Variants in ATXN7L1 observed in about 807,000 individuals in gnomAD.
ATXN7L1 encodes the protein ataxin 7 like 1.
In ATXN7L1, 15 loss-of-function variants were observed where a neutral mutation model predicts 70.8. The observed-to-expected ratio is 0.21, with a 90% confidence interval of 0.14 to 0.33. ATXN7L1 has a LOEUF of 0.33. Among genes scored for constraint, ATXN7L1 ranks in the 10% least tolerant of loss-of-function variants. The pLI is 1.00. For synonymous variants in ATXN7L1, 440 were observed against 445.1 expected (o/e 0.99, Z 0.14); for missense variants, 975 against 1,097.1 (o/e 0.89, Z 1.57).
At chr7:105,833,710 C>T (rs565867919) in intron 2 of ATXN7L1, among the ~76,000 whole-genome samples, 1 of 152,252 alleles carries the variant, frequency 6.6e-6, no homozygotes, top group South Asian at 2.1e-4. Context: ...ATAGTTAACA[C>T]TAGTTAATGA....
At chr7:105,635,626 C>T (rs1425975143) in intron 7 of ATXN7L1, among the ~76,000 whole-genome samples, 2 of 152,230 alleles carry the variant, frequency 1.3e-5, no homozygotes, top group South Asian at 2.1e-4. Context: ...CCCATTCCAA[C>T]CCTTGTTATC....
At chr7:105,616,645 G>A (rs956349844) in intron 9 of ATXN7L1, among the ~76,000 whole-genome samples, 3 of 152,206 alleles carry the variant, frequency 2.0e-5, no homozygotes, top group African/African-American at 7.2e-5. Context: ...GGATGGGTGA[G>A]CAGGTGGATT....
chr7:105,614,555 G>T lies in ATXN7L1; in HGVS notation c.1779C>A (p.Ile593=). 6.5e-7 allele frequency: 1 copy of T among 1,546,868 alleles called. No homozygotes were observed. Among genetic ancestry groups the T allele is most frequent in the Non-Finnish European group, 8.7e-7 (1 of 1,143,618 alleles). Residue 593 remains isoleucine (I), a synonymous_variant, in exon 10 of 12, where the codon ATC becomes ATA. Transcript: ENST00000419735. The surrounding 1 kb of genome is among the most constrained non-coding windows in gnomAD (Gnocchi z 4.3). ...AFPHVAATLS[I]MDSTFKAPSA... ...ATGGGGCCTTGAAGGTTGAGTCCAT[G>T]ATGCTGAGGGTTGCGGCCACATGAG...
At chr7:105,828,536 G>A (rs1811177909) in intron 2 of ATXN7L1, among the ~76,000 whole-genome samples, 1 of 152,192 alleles carries the variant, frequency 6.6e-6, no homozygotes, top group Non-Finnish European at 1.5e-5. Flanking sequence ...GGAGACAGGT[G>A]AATATGAATG....
intron 3 of ATXN7L1, among the ~76,000 whole-genome samples, chr7:105,723,060 C>A (rs1042979964): frequency 2.0e-5 from 3 of 152,108 alleles, no homozygotes; most frequent in African/African-American, 7.2e-5. Flanking sequence ...ATGTACAGCA[C>A]CACTGCCAGT....
intron 3 of ATXN7L1, among the ~76,000 whole-genome samples, chr7:105,688,582 A>G (rs936151904): frequency 6.6e-6 from 1 of 151,484 alleles, no homozygotes; most frequent in Non-Finnish European, 1.5e-5. Flanking sequence ...GGCTGTTTTC[A>G]GAGGGTCAGT....
At chr7:105,808,332 G>A (rs1456013309) in intron 2 of ATXN7L1, among the ~76,000 whole-genome samples, 2 of 152,206 alleles carry the variant, frequency 1.3e-5, no homozygotes, top group African/African-American at 4.8e-5. Context: ...AGGGTGCTGG[G>A]AAGCACTGGG....
At position 105,661,887 on chromosome 7, in the gene ATXN7L1, C is replaced by T. The variant is rs578050000; in HGVS notation, c.578+3179G>A. Among the ~76,000 whole-genome samples, 14 of 152,280 alleles carry T rather than the reference C, an allele frequency of 9.2e-5. No individual in the cohort carries two copies. The South Asian group carries it at 2.7e-3, about 29-fold the overall frequency. ...ACCGACTTGCAGGCATGGCAAATTG[C>T]CCGTGCCTTTCTCTTCTTCCCACAG... On this transcript the variant is annotated intron_variant, in intron 4 of 11. Coordinates refer to ENST00000419735, the MANE Select transcript of ATXN7L1 (RefSeq NM_020725.2).
chr7:105,800,474 C>T (rs1172176472), intron 2 of ATXN7L1, among the ~76,000 whole-genome samples: 1 of 152,192 alleles, frequency 6.6e-6, no homozygotes, highest in Non-Finnish European at 1.5e-5. Flanking sequence ...GCACTTAGCC[C>T]ACTCTGTCTG....
intron 3 of ATXN7L1, among the ~76,000 whole-genome samples, chr7:105,687,143 T>C (rs1004326237): frequency 6.6e-6 from 1 of 152,176 alleles, no homozygotes; most frequent in Non-Finnish European, 1.5e-5. Context: ...CTCATTGCAT[T>C]TCCTTTGACT....
In ATXN7L1 at chr7:105,653,277, G is replaced by A. The variant is rs563230013; in HGVS notation, c.579-10156C>T. ...AGGCTGTCCAACATCATGAAACCCC[G>A]TCTCTACTAAAAATACAAAAATTAG... On this transcript the variant is annotated intron_variant, in intron 4 of 11. Transcript: ENST00000419735. Among the ~76,000 whole-genome samples the A allele has an allele frequency of 7.9e-5, 12 of 152,104 alleles. No homozygotes were observed. The South Asian group carries it at 1.0e-3, about 13-fold the overall frequency.
At chr7:105,668,618 C>CA (rs1449662333) in intron 3 of ATXN7L1, among the ~76,000 whole-genome samples, 1 of 152,174 alleles carries the variant, frequency 6.6e-6, no homozygotes, top group African/African-American at 2.4e-5. Flanking sequence ...GATAGGGTTT[C>CA]ATCATGTTGG....
chr7:105,717,811 C>A (rs566792973), intron 3 of ATXN7L1, among the ~76,000 whole-genome samples: 1 of 152,298 alleles, frequency 6.6e-6, no homozygotes. Context: ...TGAGGTTGAA[C>A]ATTTTTCAGG....
chr7:105,625,802 C>T (rs1462855861), intron 7 of ATXN7L1, among the ~76,000 whole-genome samples: 1 of 152,168 alleles, frequency 6.6e-6, no homozygotes, highest in Non-Finnish European at 1.5e-5. Flanking sequence ...AACACATCCG[C>T]ATTAGCAGAA....
intron 4 of ATXN7L1, among the ~76,000 whole-genome samples, chr7:105,654,026 C>T (rs538097205): frequency 6.6e-6 from 1 of 152,348 alleles, no homozygotes; most frequent in South Asian, 2.1e-4. Context: ...CCTGACCAGA[C>T]TGTGAGCTGC....
chr7:105,773,048 C>A (rs1802226102), intron 3 of ATXN7L1, among the ~76,000 whole-genome samples: 1 of 152,164 alleles, frequency 6.6e-6, no homozygotes, highest in Admixed American at 6.5e-5. Flanking sequence ...ATAGTAAGGC[C>A]ACTCCCTCAC....
chr7:105,613,813 T>A (rs1306866123), intron 10 of ATXN7L1, 49 bp downstream of exon 10: 1 of 1,551,182 alleles, frequency 6.4e-7, no homozygotes, highest in Non-Finnish European at 8.7e-7. Flanking sequence ...GCTGCCCAGC[T>A]CCCCCTGCCC....
intron 2 of ATXN7L1, among the ~76,000 whole-genome samples, chr7:105,855,464 G>A (rs1308135510): frequency 1.3e-5 from 2 of 152,206 alleles, no homozygotes; most frequent in African/African-American, 4.8e-5. Flanking sequence ...ACAGTGTGCT[G>A]ATGCATATCT....
chr7:105,775,253 C>T (rs1391112688), intron 3 of ATXN7L1, among the ~76,000 whole-genome samples: 1 of 152,146 alleles, frequency 6.6e-6, no homozygotes, highest in African/African-American at 2.4e-5. Flanking sequence ...TTCTAGGATG[C>T]CATTAATTGT....
Sources: gnomAD v4.1 joint callset for allele counts (sites outside exome capture counted in the v4.1 genomes callset) on GRCh38, gnomAD v4.1.1 for gene constraint, Gnocchi (gnomAD v3.1) non-coding constraint, MANE v1.5 for transcripts, NCBI Gene and HGNC (gene_info 2026-07-23, HGNC 2026-07-21) for gene names.